The following SOS1 variants were observed in gnomAD, a reference collection of about 807,000 sequenced individuals.
The protein encoded by SOS1 is son of sevenless homolog 1.
SOS1 carries 25 observed loss-of-function variants against 157.6 expected under a neutral mutation model. That is an observed-to-expected ratio of 0.16 (90% CI 0.12 to 0.22). The LOEUF (loss-of-function observed/expected upper bound fraction) is 0.22, where lower values mean the gene tolerates loss of function less well. SOS1 is among the 10% of genes least tolerant of loss of function. SOS1 has a pLI of 1.00. For synonymous variants in SOS1, 528 were observed against 534.0 expected, an observed-to-expected ratio of 0.99 and a Z score of 0.16; for missense variants, 1,237 against 1,599.1, an observed-to-expected ratio of 0.77 and a Z score of 3.86.
chr2:39,006,405 T>G lies in SOS1; in HGVS notation c.2791+7A>C. ...AATGCAATAAAAATTCAGAAAGAAA[T>G]ACTTACCAAAGAAAGGCACACATGG... is the stretch of plus-strand genomic sequence containing the variant. On this transcript the variant is annotated splice_region_variant and intron_variant, in intron 17 of 22. Coordinates refer to ENST00000402219, the MANE Select transcript of SOS1 (RefSeq NM_005633.4). 1 of 1,266,756 alleles carries G rather than the reference T, an allele frequency of 7.9e-7. No individual in the cohort carries two copies. Among genetic ancestry groups the G allele is most frequent in the Non-Finnish European group, 1.2e-6 (1 of 863,656 alleles). 78.5% of individuals were successfully genotyped at this position (1,266,756 alleles called of 1,614,324 possible).
chr2:39,012,211 C>T lies in SOS1; in HGVS notation c.2305G>A (p.Gly769Arg). 2 of 1,613,718 alleles carry T rather than the reference C, an allele frequency of 1.2e-6. No individual in the cohort carries two copies. The highest frequency in any genetic ancestry group is 1.7e-6 in the Non-Finnish European group (2 of 1,179,764). The change falls in exon 14 of 23, where the codon GGG (glycine) becomes AGG (arginine). Residue 769 changes from glycine to arginine, a missense_variant. Transcript: ENST00000402219. ...PTVEWHISRP[G>R]HIETFDLLTL... The stretch of plus-strand genomic sequence containing the variant: ...AGCAGGTCAAAAGTCTCTATGTGCC[C>T]AGGTCTGCTTATATGCCACTCAACT...
chr2:38,991,953 T>G (rs1301346898), intron 20 of SOS1, among the ~76,000 whole-genome samples: 1 of 152,196 alleles, frequency 6.6e-6, no homozygotes, highest in African/African-American at 2.4e-5. Flanking sequence ...TAGTATAGTA[T>G]TATAACTGAT....
intron 1 of SOS1, among the ~76,000 whole-genome samples, chr2:39,095,208 C>G (rs945335420): frequency 6.6e-6 from 1 of 152,186 alleles, no homozygotes; most frequent in Non-Finnish European, 1.5e-5. Flanking sequence ...TTCAACTCCA[C>G]CCTCCAGTAG....
intron 6 of SOS1, 55 bp from the exon 7 acceptor site, chr2:39,035,555 G>A: frequency 1.5e-6 from 2 of 1,305,778 alleles, no homozygotes; most frequent in East Asian, 4.7e-5. Flanking sequence ...AACACAGAAA[G>A]ATTTAATTAT....
intron 6 of SOS1, among the ~76,000 whole-genome samples, chr2:39,038,186 G>A (rs957065281): frequency 2.8e-4 from 43 of 152,278 alleles, no homozygotes; most frequent in African/African-American, 1.0e-3. Flanking sequence ...CACCATTCTA[G>A]ATGCCAGTAA....
chr2:39,016,001 G>C (rs1669619115), intron 10 of SOS1, among the ~76,000 whole-genome samples: 1 of 151,720 alleles, frequency 6.6e-6, no homozygotes, highest in Non-Finnish European at 1.5e-5. Context: ...TCTTTTATTA[G>C]CATAGGATTT....
intron 6 of SOS1, among the ~76,000 whole-genome samples, chr2:39,046,846 C>T (rs1013644394): frequency 2.0e-5 from 3 of 152,154 alleles, no homozygotes; most frequent in Non-Finnish European, 4.4e-5. Context: ...TTCTTGACTT[C>T]CCTTTGAGTA....
intron 1 of SOS1, among the ~76,000 whole-genome samples, chr2:39,112,122 T>C (rs893997828): frequency 6.6e-6 from 1 of 152,078 alleles, no homozygotes; most frequent in Non-Finnish European, 1.5e-5. Flanking sequence ...TTTCTTCCAA[T>C]CCATTATTTC....
intron 9 of SOS1, chr2:39,023,787 C>T (rs1453947750): frequency 6.1e-6 from 3 of 495,538 alleles, no homozygotes; most frequent in Non-Finnish European, 1.1e-5. Context: ...CCAGTTGACT[C>T]TCAGGAGGTC....
chr2:39,110,195 T>C (rs138169749), intron 1 of SOS1, among the ~76,000 whole-genome samples: 1 of 152,198 alleles, frequency 6.6e-6, no homozygotes, highest in African/African-American at 2.4e-5. Context: ...TGGTGTAGCA[T>C]TTGCATACAA....
At chr2:38,994,285 T>C (rs979114367) in intron 20 of SOS1, among the ~76,000 whole-genome samples, 7 of 152,222 alleles carry the variant, frequency 4.6e-5, no homozygotes, top group African/African-American at 4.8e-5. Context: ...ATTGAAGTTA[T>C]ACATGTGGCT....
chr2:39,038,748 A>AT (rs1670448330), intron 6 of SOS1, among the ~76,000 whole-genome samples: 1 of 147,638 alleles, frequency 6.8e-6, no homozygotes, highest in Non-Finnish European at 1.5e-5. Flanking sequence ...AAAAAAAAAA[A>AT]GTCGTTTCTT....
chr2:39,059,124 C>T (rs1671314948), intron 2 of SOS1, among the ~76,000 whole-genome samples: 2 of 152,044 alleles, frequency 1.3e-5, no homozygotes, highest in African/African-American at 2.4e-5. Context: ...TTTCAAGGAA[C>T]AACACCCAAG....
At chr2:39,072,744 G>A (rs35464357) in intron 1 of SOS1, among the ~76,000 whole-genome samples, 1 of 152,066 alleles carries the variant, frequency 6.6e-6, no homozygotes, top group Non-Finnish European at 1.5e-5. Flanking sequence ...AAAATAACAC[G>A]TGATGCCAAC....
In SOS1 at chr2:39,013,473, A is replaced by G; in HGVS notation, c.2154T>C (p.Ile718=). 6.2e-7 allele frequency: 1 copy of G among 1,607,560 alleles called. No individual in the cohort carries two copies. Among genetic ancestry groups the G allele is most frequent in the Non-Finnish European group, 8.5e-7 (1 of 1,174,256 alleles). Residue 718 remains isoleucine, a synonymous_variant, in exon 13 of 23, where the codon ATT becomes ATC. Coordinates refer to ENST00000402219, the MANE Select transcript of SOS1 (RefSeq NM_005633.4). The stretch of plus-strand genomic sequence containing the variant: ...AAAAAAACATACCTCTTACTGTTCC[A>G]ATAAATTCTTCCATTCGTTGCAAAA... ...AYLLQRMEEF[I]GTVRGKAMKK... is the part of the protein sequence containing the mutation.
intron 6 of SOS1, among the ~76,000 whole-genome samples, chr2:39,047,655 G>A (rs994629582): frequency 3.3e-5 from 5 of 152,192 alleles, no homozygotes; most frequent in Admixed American, 2.0e-4. Context: ...TTGTAGGCAT[G>A]TAGGAGTTAT....
intron 15 of SOS1, among the ~76,000 whole-genome samples, chr2:39,008,715 T>C (rs932631994): frequency 3.9e-5 from 6 of 152,176 alleles, no homozygotes; most frequent in African/African-American, 1.2e-4. Flanking sequence ...CAGAAAATTG[T>C]TGAAAACATC....
intron 1 of SOS1, among the ~76,000 whole-genome samples, chr2:39,080,690 T>C (rs1032357823): frequency 5.9e-5 from 9 of 152,104 alleles, no homozygotes; most frequent in African/African-American, 9.7e-5. Flanking sequence ...AATAAATTGA[T>C]ACAACTATAA....
intron 8 of SOS1, chr2:39,034,806 C>T (rs1381849019): frequency 4.4e-6 from 2 of 457,336 alleles, no homozygotes; most frequent in Non-Finnish European, 8.8e-6. Flanking sequence ...CTCACACTGG[C>T]TCCCTTATCC....
Sources: gnomAD v4.1 joint callset for allele counts (sites outside exome capture counted in the v4.1 genomes callset) on GRCh38, gnomAD v4.1.1 for gene constraint, MANE v1.5 for transcripts, NCBI Gene and HGNC (gene_info 2026-07-23, HGNC 2026-07-21) for gene names.